Variants in INPP5A observed in about 807,000 individuals in gnomAD.
The protein encoded by INPP5A is inositol polyphosphate-5-phosphatase A.
A neutral mutation model predicts 65.2 loss-of-function variants in INPP5A; 14 were observed. The observed-to-expected ratio is 0.21, with a 90% CI of 0.14 to 0.34. The LOEUF (loss-of-function observed/expected upper bound fraction) is 0.34. INPP5A is among the 10% of genes least tolerant of loss of function. The probability of loss-of-function intolerance (pLI) is 1.00; values close to 1 mark genes in which losing one functional copy is unlikely to be tolerated. For synonymous variants in INPP5A, 207 were observed against 208.3 expected, an observed-to-expected ratio of 0.99 and a Z score of 0.05; for missense variants, 431 against 545.6, an observed-to-expected ratio of 0.79 and a Z score of 2.09.
At position 132,705,584 on chromosome 10, in the gene INPP5A, C is replaced by A. The variant is rs912428646; in HGVS notation, c.475-2729C>A. On this transcript the variant is annotated intron_variant, in intron 6 of 15. Transcript: ENST00000368594. This position sits in a 1 kb window ranked among gnomAD's most constrained non-coding sequence, Gnocchi z 4.9. ...AGGCCGGGAGGAGTGTACAGGAAGT[C>A]TCTGTACCTTATGCTCAATTCTTCT... Among the ~76,000 whole-genome samples the A allele has an allele frequency of 2.0e-5, 3 of 152,236 alleles. No individual in the cohort carries two copies. The highest frequency in any genetic ancestry group is 7.2e-5 in the African/African-American group (3 of 41,452).
At chr10:132,652,364 C>CA (rs1292605902) in intron 4 of INPP5A, among the ~76,000 whole-genome samples, 1 of 152,194 alleles carries the variant, frequency 6.6e-6, no homozygotes, top group African/African-American at 2.4e-5. Flanking sequence ...GCTGCAGCCC[C>CA]AGGAGGAGCG....
intron 1 of INPP5A, among the ~76,000 whole-genome samples, chr10:132,606,091 T>A (rs919978014): frequency 2.0e-5 from 3 of 151,804 alleles, no homozygotes; most frequent in Admixed American, 1.3e-4. Flanking sequence ...GCTGTCACAT[T>A]TGTGCGTTTG....
intron 2 of INPP5A, among the ~76,000 whole-genome samples, chr10:132,631,118 G>C (rs1273453704): frequency 6.6e-6 from 1 of 152,202 alleles, no homozygotes; most frequent in African/African-American, 2.4e-5. Flanking sequence ...AGGAAAGGCA[G>C]CTCCAGATCA....
chr10:132,666,790 C>T (rs998731547), intron 4 of INPP5A, among the ~76,000 whole-genome samples: 13 of 152,330 alleles, frequency 8.5e-5, no homozygotes, highest in African/African-American at 2.9e-4. Context: ...CGGCCCCCAG[C>T]GTGTGCTGTG....
At chr10:132,576,463 C>A (rs2071412996) in intron 1 of INPP5A, among the ~76,000 whole-genome samples, 1 of 152,198 alleles carries the variant, frequency 6.6e-6, no homozygotes, top group Admixed American at 6.5e-5. Flanking sequence ...GGGAGAGAAT[C>A]TAGCCTTGGG....
At chr10:132,564,705 T>C (rs1159431841) in intron 1 of INPP5A, among the ~76,000 whole-genome samples, 3 of 152,236 alleles carry the variant, frequency 2.0e-5, no homozygotes, top group South Asian at 4.1e-4. Context: ...GAGTGTGCAG[T>C]GTGACTTTTG....
intron 9 of INPP5A, among the ~76,000 whole-genome samples, chr10:132,737,143 G>A (rs1427730223): frequency 1.3e-5 from 2 of 152,354 alleles, no homozygotes; most frequent in East Asian, 1.9e-4. Flanking sequence ...GGCTGCAGTC[G>A]GCGCAGCCCT....
At chr10:132,714,193 T>C (rs1845698887) in intron 8 of INPP5A, among the ~76,000 whole-genome samples, 1 of 152,148 alleles carries the variant, frequency 6.6e-6, no homozygotes, top group South Asian at 2.1e-4. Flanking sequence ...CCTTTGGGCT[T>C]TTGGGCCACT....
intron 9 of INPP5A, among the ~76,000 whole-genome samples, chr10:132,745,554 T>C (rs1846353905): frequency 9.1e-6 from 1 of 109,520 alleles, no homozygotes; most frequent in Non-Finnish European, 2.4e-5. Flanking sequence ...ATGTGAGGCA[T>C]GTCACGGCTG....
chr10:132,725,443 G>A (rs890718816), intron 8 of INPP5A, among the ~76,000 whole-genome samples: 10 of 152,200 alleles, frequency 6.6e-5, no homozygotes, highest in Non-Finnish European at 1.0e-4. Context: ...CGGTGGCGGC[G>A]GGGCAACGCA....
intron 8 of INPP5A, among the ~76,000 whole-genome samples, chr10:132,712,480 G>A (rs1230913779): frequency 1.4e-5 from 2 of 147,532 alleles, no homozygotes; most frequent in African/African-American, 2.5e-5. Flanking sequence ...ATGTGTGTGG[G>A]TACATGTCTA....
At chr10:132,776,618 T>A (rs908451994) in intron 12 of INPP5A, among the ~76,000 whole-genome samples, 1 of 152,206 alleles carries the variant, frequency 6.6e-6, no homozygotes, top group Non-Finnish European at 1.5e-5. Flanking sequence ...GCAGAGACGC[T>A]GCACTTAGGG....
intron 1 of INPP5A, among the ~76,000 whole-genome samples, chr10:132,604,519 G>T (rs1486753432): frequency 1.3e-5 from 2 of 152,202 alleles, no homozygotes; most frequent in African/African-American, 4.8e-5. Flanking sequence ...GAGGTTTGGG[G>T]GGAAAGGGGT....
At chr10:132,623,789 G>C (rs566786499) in intron 2 of INPP5A, among the ~76,000 whole-genome samples, 1 of 152,242 alleles carries the variant, frequency 6.6e-6, no homozygotes, top group East Asian at 1.9e-4. Context: ...AAAGAACTCT[G>C]AAAAGCCAAT....
At chr10:132,634,890 C>A (rs973080354) in intron 2 of INPP5A, among the ~76,000 whole-genome samples, 5 of 152,244 alleles carry the variant, frequency 3.3e-5, no homozygotes, top group Admixed American at 2.6e-4. Flanking sequence ...CCTGTTTGCT[C>A]TCTGTCTGTT....
rs765803345 is a variant in INPP5A, at chr10:132,627,474, G to A, written c.118-18394G>A. ...TCCCAAGATGCGTGCAGCTGTCCGC[G>A]GTGGCTGCCTCGTCCAGCAGCGTCC... On this transcript the variant is annotated intron_variant, in intron 2 of 15. Coordinates refer to ENST00000368594, the MANE Select transcript of INPP5A (RefSeq NM_005539.5). The surrounding 1 kb of genome is among the most constrained non-coding windows in gnomAD (Gnocchi z 6.6). Among the ~76,000 whole-genome samples, 4 of 152,198 alleles carry A rather than the reference G, an allele frequency of 2.6e-5. No individual in the cohort carries two copies. The highest frequency in any genetic ancestry group is 4.1e-4 in the South Asian group (2 of 4,832).
rs893330349 is a variant in INPP5A, at chr10:132,644,349, C to T, written c.118-1519C>T. On this transcript the variant is annotated intron_variant, in intron 2 of 15. Coordinates refer to ENST00000368594, the MANE Select transcript of INPP5A (RefSeq NM_005539.5). The surrounding 1 kb of genome is among the most constrained non-coding windows in gnomAD (Gnocchi z 6.5). ...GCACAGACGGAGCCTGTGCACGGGG[C>T]CTGGTCAGAGCTGTTTCTGTCTCCC... 1.3e-5 allele frequency among the ~76,000 whole-genome samples: 2 copies of T among 152,238 alleles called. No individual in the cohort carries two copies. Among genetic ancestry groups the T allele is most frequent in the African/African-American group, 4.8e-5 (2 of 41,470 alleles).
In INPP5A at chr10:132,631,229, G is replaced by A. The variant is rs113941768; in HGVS notation, c.118-14639G>A. Reference sequence around the variant, plus strand: ...AGGCCCCTGCCCACACAGCTGCTCCGTGTGCCCTGGCCGGTCCCATCGGCT... The same window carrying A: ...AGGCCCCTGCCCACACAGCTGCTCCATGTGCCCTGGCCGGTCCCATCGGCT... On this transcript the variant is annotated intron_variant, in intron 2 of 15. Coordinates refer to ENST00000368594, the MANE Select transcript of INPP5A (RefSeq NM_005539.5). Among the ~76,000 whole-genome samples, 568 of 152,320 alleles carry A rather than the reference G, an allele frequency of 3.7e-3. 2 individuals are homozygous for A. Among genetic ancestry groups the A allele is most frequent in the African/African-American group, 0.013 (543 of 41,556 alleles).
chr10:132,712,718 A>G (rs1192994997), intron 8 of INPP5A, among the ~76,000 whole-genome samples: 5 of 142,086 alleles, frequency 3.5e-5, no homozygotes, highest in Admixed American at 6.9e-5. Context: ...ATGTGAGTGC[A>G]GGTGTATGCA....
Sources: allele counts gnomAD v4.1 joint callset (sites outside exome capture counted in the v4.1 genomes callset), GRCh38; gene constraint gnomAD v4.1.1; non-coding constraint Gnocchi (gnomAD v3.1); transcripts MANE v1.5; gene names NCBI Gene and HGNC (gene_info 2026-07-23, HGNC 2026-07-21).